Variants in LRRC49 observed in about 807,000 individuals in gnomAD.
LRRC49 encodes leucine rich repeat containing 49.
LRRC49 carries 50 observed loss-of-function variants against 83.3 expected under a neutral mutation model. The observed-to-expected ratio is 0.60, with a 90% CI of 0.48 to 0.76. The LOEUF is 0.76. Among genes scored for constraint, LRRC49 ranks in the 30% least tolerant of loss-of-function variants. The probability of loss-of-function intolerance (pLI) is 0.00; values close to 1 mark genes in which losing one functional copy is unlikely to be tolerated. For missense variants in LRRC49, 704 were observed against 809.1 expected, an observed-to-expected ratio of 0.87 and a Z score of 1.58; for synonymous variants, 286 against 283.3, an observed-to-expected ratio of 1.01 and a Z score of -0.10.
At chr15:70,981,735 C>G (rs2037407602) in intron 10 of LRRC49, among the ~76,000 whole-genome samples, 1 of 152,076 alleles carries the variant, frequency 6.6e-6, no homozygotes, top group East Asian at 1.9e-4. Context: ...ATATTTGTCA[C>G]TTTAGCACAG....
intron 8 of LRRC49, among the ~76,000 whole-genome samples, chr15:70,948,792 T>C (rs1276248928): frequency 6.6e-6 from 1 of 152,162 alleles, no homozygotes; most frequent in African/African-American, 2.4e-5. Context: ...GCTTATCCTT[T>C]TTGAGTTATC....
intron 5 of LRRC49, among the ~76,000 whole-genome samples, chr15:70,911,297 T>C (rs913105005): frequency 3.3e-5 from 5 of 152,198 alleles, no homozygotes; most frequent in Admixed American, 3.3e-4. Flanking sequence ...TTCTTAGACA[T>C]AGGATTGCTC....
chr15:70,860,034 C>T, intron 1 of LRRC49: 1 of 742,684 alleles, frequency 1.3e-6, no homozygotes, highest in South Asian at 1.4e-5. Flanking sequence ...AGCCTGGGCT[C>T]CAGCTTTGGC....
At chr15:70,882,842 A>C in intron 2 of LRRC49, 1 of 1,614,132 alleles carries the variant, frequency 6.2e-7, no homozygotes, top group Non-Finnish European at 8.5e-7. Context: ...GTAGGTACTG[A>C]AGTGACAGTA....
chr15:70,869,519 G>C (rs958143074), intron 1 of LRRC49, among the ~76,000 whole-genome samples: 3 of 152,166 alleles, frequency 2.0e-5, no homozygotes, highest in Non-Finnish European at 4.4e-5. Context: ...ACTAGGGCTA[G>C]ACAGCTGTGG....
intron 11 of LRRC49, among the ~76,000 whole-genome samples, chr15:70,987,834 T>C (rs1404100563): frequency 6.6e-6 from 1 of 152,248 alleles, no homozygotes; most frequent in Non-Finnish European, 1.5e-5. Context: ...TGGTATGTTG[T>C]GTCTTTGTTC....
chr15:71,040,811 C>T (rs907657467), intron 15 of LRRC49, among the ~76,000 whole-genome samples: 2 of 115,054 alleles, frequency 1.7e-5, no homozygotes, highest in Non-Finnish European at 3.6e-5. Flanking sequence ...CAAAGCAAGA[C>T]TCCGTCTCAA....
intron 11 of LRRC49, among the ~76,000 whole-genome samples, chr15:70,989,962 G>A (rs1393971843): frequency 1.3e-5 from 2 of 152,122 alleles, no homozygotes; most frequent in Non-Finnish European, 1.5e-5. Flanking sequence ...TGTGAACCGC[G>A]AATGCTGCTG....
chr15:70,945,565 G>GTGTA (rs1009170910), intron 8 of LRRC49, among the ~76,000 whole-genome samples: 4 of 146,240 alleles, frequency 2.7e-5, no homozygotes, highest in African/African-American at 1.0e-4. Flanking sequence ...GTGTGTGTGT[G>GTGTA]TATCTGTCTG....
intron 14 of LRRC49, among the ~76,000 whole-genome samples, chr15:71,014,664 C>T (rs1182902077): frequency 6.6e-6 from 1 of 152,064 alleles, no homozygotes; most frequent in Non-Finnish European, 1.5e-5. Flanking sequence ...TAATGATAGA[C>T]TTGATGACAC....
intron 2 of LRRC49, among the ~76,000 whole-genome samples, chr15:70,874,367 A>G (rs1231762632): frequency 6.6e-6 from 1 of 152,174 alleles, no homozygotes; most frequent in Non-Finnish European, 1.5e-5. Flanking sequence ...AGAATAGGCT[A>G]GTTATTTGAA....
intron 1 of LRRC49, among the ~76,000 whole-genome samples, chr15:70,864,360 C>T (rs2032865483): frequency 6.6e-6 from 1 of 152,046 alleles, no homozygotes; most frequent in Non-Finnish European, 1.5e-5. Context: ...CACCGAGAGG[C>T]CCTGAGGCAT....
At chr15:71,010,106 G>GT (rs1180016501) in intron 13 of LRRC49, 114 bp downstream of exon 13, 66 of 580,420 alleles carry the variant, frequency 1.1e-4, no homozygotes, top group East Asian at 7.0e-4. Flanking sequence ...AGATATAATG[G>GT]TTTTTTTTAA....
chr15:70,986,848 C>T (rs1364328650), intron 11 of LRRC49, among the ~76,000 whole-genome samples: 1 of 152,002 alleles, frequency 6.6e-6, no homozygotes, highest in African/African-American at 2.4e-5. Flanking sequence ...GCATGAAGGG[C>T]TGTTGAATTT....
intron 11 of LRRC49, among the ~76,000 whole-genome samples, chr15:70,996,800 C>T (rs186229878): frequency 1.3e-4 from 20 of 152,282 alleles, no homozygotes; most frequent in Non-Finnish European, 2.5e-4. Context: ...ATTGCAACTT[C>T]TATCAGCTAC....
chr15:70,990,336 T>C (rs780483103), intron 11 of LRRC49, among the ~76,000 whole-genome samples: 2 of 152,184 alleles, frequency 1.3e-5, no homozygotes, highest in Non-Finnish European at 2.9e-5. Flanking sequence ...GCCTGGGCAA[T>C]GGCAGGCTCC....
chr15:70,963,270 G>C (rs1287825889), intron 8 of LRRC49, among the ~76,000 whole-genome samples: 2 of 120,622 alleles, frequency 1.7e-5, no homozygotes, highest in Non-Finnish European at 3.6e-5. Flanking sequence ...AGTGAGACCT[G>C]GTCTCAAAAA....
intron 9 of LRRC49, among the ~76,000 whole-genome samples, chr15:70,969,711 G>C (rs1021698197): frequency 1.4e-4 from 22 of 152,094 alleles, no homozygotes; most frequent in African/African-American, 5.3e-4. Context: ...CTTGTAAGTT[G>C]TATGCCTAGA....
At chr15:71,044,137 A>G (rs559487023) in intron 15 of LRRC49, among the ~76,000 whole-genome samples, 7 of 152,348 alleles carry the variant, frequency 4.6e-5, no homozygotes, top group African/African-American at 1.7e-4. Flanking sequence ...GAGCAGCTAC[A>G]TTCTGTTCTC....
Sources: gnomAD v4.1 joint callset for allele counts (sites outside exome capture counted in the v4.1 genomes callset) on GRCh38, gnomAD v4.1.1 for gene constraint, MANE v1.5 for transcripts, NCBI Gene and HGNC (gene_info 2026-07-23, HGNC 2026-07-21) for gene names.